The following NGF variants were observed in gnomAD, a reference collection of about 807,000 sequenced individuals.
The protein encoded by NGF is beta-nerve growth factor.
A neutral mutation model predicts 12.8 loss-of-function variants in NGF; 4 were observed. That is an observed-to-expected ratio of 0.31 (90% CI 0.15 to 0.72). The LOEUF is 0.72. NGF is among the 30% of genes least tolerant of loss of function. The probability of loss-of-function intolerance (pLI) is 0.69; values close to 1 mark genes in which losing one functional copy is unlikely to be tolerated. For missense variants in NGF, 283 were observed against 330.8 expected, an observed-to-expected ratio of 0.86 and a Z score of 1.12; for synonymous variants, 140 against 130.0, an observed-to-expected ratio of 1.08 and a Z score of -0.52.
chr1:115,286,879 T>G, intron 2 of NGF, 72 bp from the exon 3 acceptor site: 2 of 1,584,790 alleles, frequency 1.3e-6, no homozygotes, highest in Non-Finnish European at 1.7e-6. Context: ...TCTGGGTCCC[T>G]CAGAGTTGAC....
chr1:115,326,731 C>A (rs1342305351), intron 1 of NGF, among the ~76,000 whole-genome samples: 1 of 152,088 alleles, frequency 6.6e-6, no homozygotes. Context: ...CTGCTCAATA[C>A]CAGGGCAAGT....
intron 1 of NGF, among the ~76,000 whole-genome samples, chr1:115,321,434 T>G (rs1341615872): frequency 6.6e-6 from 1 of 152,184 alleles, no homozygotes; most frequent in Non-Finnish European, 1.5e-5. Context: ...TTGCATTTAT[T>G]ATAAACAAAA....
rs1193703566 is a variant in NGF, at chr1:115,334,533, C to T, written c.-137+3671G>A. On this transcript the variant is annotated intron_variant, in intron 1 of 2. Transcript: ENST00000369512. ...GGGACTACAGCACTGAGGTCCCTGC[C>T]GATGGTGGCCTAGAGTCTGATTTGC... Among the ~76,000 whole-genome samples the T allele has an allele frequency of 3.3e-5, 5 of 152,068 alleles. No individual in the cohort carries two copies. The East Asian group carries it at 7.7e-4, about 23-fold the overall frequency.
intron 1 of NGF, among the ~76,000 whole-genome samples, chr1:115,337,550 G>A (rs545672824): frequency 6.6e-5 from 10 of 152,154 alleles, no homozygotes; most frequent in African/African-American, 2.4e-4. Context: ...TGTCCAACGC[G>A]GCTCCGTGGA....
rs188495420 is a variant in NGF, at chr1:115,322,329, G to A, written c.-137+15875C>T. Among the ~76,000 whole-genome samples the A allele has an allele frequency of 3.9e-5, 6 of 152,264 alleles. No individual in the cohort carries two copies. The East Asian group carries it at 1.2e-3, about 29-fold the overall frequency. On this transcript the variant is annotated intron_variant, in intron 1 of 2. Transcript: ENST00000369512. ...GGAATGTAGGGTGACAGCCAGGTGG[G>A]ACCAACTCCAGGCCCATGGTAAGAA...
rs535558433 is a variant in NGF at position 115,316,002 on chromosome 1, T to A, written c.-137+22202A>T. ...ATCAGCGGATTAAGCAAACCATTCA[T>A]CAGGTACCTACTATGCACCCAGGGC... is the stretch of plus-strand genomic sequence containing the variant. On this transcript the variant is annotated intron_variant, in intron 1 of 2. Coordinates refer to ENST00000369512, the MANE Select transcript of NGF (RefSeq NM_002506.3). Among the ~76,000 whole-genome samples, 5 of 152,282 alleles carry A rather than the reference T, an allele frequency of 3.3e-5. No individual in the cohort carries two copies. In the South Asian group the frequency reaches 1.0e-3, roughly 32 times the overall value.
At chr1:115,336,893 C>A (rs1170622437) in intron 1 of NGF, among the ~76,000 whole-genome samples, 2 of 152,192 alleles carry the variant, frequency 1.3e-5, no homozygotes, top group African/African-American at 4.8e-5. Context: ...GGGACTGGCA[C>A]TGGCAGTGGG....
intron 1 of NGF, among the ~76,000 whole-genome samples, chr1:115,330,485 C>A (rs1654888228): frequency 6.6e-6 from 1 of 152,210 alleles, no homozygotes; most frequent in Non-Finnish European, 1.5e-5. Context: ...GTGACTCTAT[C>A]AATCCACCCT....
intron 2 of NGF, among the ~76,000 whole-genome samples, chr1:115,288,438 G>A (rs945413621): frequency 1.3e-5 from 2 of 152,188 alleles, no homozygotes; most frequent in African/African-American, 4.8e-5. Context: ...CAAAATTTGT[G>A]TAAATCATGA....
chr1:115,313,250 T>G (rs1226649009), intron 1 of NGF, among the ~76,000 whole-genome samples: 1 of 152,246 alleles, frequency 6.6e-6, no homozygotes, highest in Admixed American at 6.5e-5. Context: ...TGGTCTGTTG[T>G]AATGGTTTGA....
At chr1:115,335,578 A>AT (rs1362495080) in intron 1 of NGF, among the ~76,000 whole-genome samples, 1 of 152,208 alleles carries the variant, frequency 6.6e-6, no homozygotes, top group African/African-American at 2.4e-5. Context: ...ATATCCAGAG[A>AT]TTTTATGCAA....
chr1:115,299,464 G>T (rs967967220), intron 1 of NGF, among the ~76,000 whole-genome samples: 2 of 152,152 alleles, frequency 1.3e-5, no homozygotes, highest in Non-Finnish European at 2.9e-5. Flanking sequence ...AACACAATCT[G>T]CATGTTCACC....
rs1571069139 is a variant in NGF at position 115,286,045 on chromosome 1, C to T, written c.*25G>A. The T allele has an allele frequency of 1.9e-6, 3 of 1,611,310 alleles. No homozygotes were observed. The highest frequency in any genetic ancestry group is 1.7e-6 in the Non-Finnish European group (2 of 1,179,138). On this transcript the variant is annotated 3_prime_UTR_variant, in exon 3 of 3. Transcript: ENST00000369512. The stretch of plus-strand genomic sequence containing the variant: ...GGGGCCCAGGAGAGTGTAGAAGGGG[C>T]AGGGGGAGGGAGCGTGTCGGCAGGT...
chr1:115,287,155 G>C (rs1237769159), intron 2 of NGF, among the ~76,000 whole-genome samples: 1 of 152,216 alleles, frequency 6.6e-6, no homozygotes, highest in Admixed American at 6.5e-5. Flanking sequence ...GAGGTGGTAA[G>C]TGTCCATGTG....
chr1:115,323,955 C>T (rs895934538), intron 1 of NGF, among the ~76,000 whole-genome samples: 5 of 152,204 alleles, frequency 3.3e-5, no homozygotes, highest in Non-Finnish European at 7.4e-5. Flanking sequence ...CTGTGGGAGA[C>T]TGTGTGATCT....
chr1:115,286,889 C>T lies in NGF; in HGVS notation c.-12-82G>A, dbSNP rs529695218. On this transcript the variant is annotated intron_variant, in intron 2 of 2. Transcript: ENST00000369512. ...CAGTTTCTGGGTCCCTCAGAGTTGA[C>T]CTCCCAAGGGGATCACGAAGAGGTT... 710 of 1,535,600 alleles carry T rather than the reference C, an allele frequency of 4.6e-4. 4 individuals are homozygous for T. The highest frequency in any genetic ancestry group is 2.5e-3 in the Middle Eastern group (15 of 5,908).
At chr1:115,328,993 T>C (rs892060461) in intron 1 of NGF, among the ~76,000 whole-genome samples, 1 of 151,962 alleles carries the variant, frequency 6.6e-6, no homozygotes, top group African/African-American at 2.4e-5. Context: ...AAAAACATTG[T>C]CAATAGTTCT....
intron 2 of NGF, among the ~76,000 whole-genome samples, chr1:115,287,661 C>T (rs1326642509): frequency 6.6e-6 from 1 of 152,160 alleles, no homozygotes; most frequent in Non-Finnish European, 1.5e-5. Flanking sequence ...GAAATAGAAT[C>T]CAAAGTTGAC....
At chr1:115,289,244 A>G (rs974729039) in intron 2 of NGF, among the ~76,000 whole-genome samples, 3 of 152,224 alleles carry the variant, frequency 2.0e-5, no homozygotes, top group African/African-American at 7.2e-5. Context: ...TCTTCTCGGT[A>G]CATAATATCT....
Sources: gnomAD v4.1 joint callset for allele counts (sites outside exome capture counted in the v4.1 genomes callset) on GRCh38, gnomAD v4.1.1 for gene constraint, MANE v1.5 for transcripts, NCBI Gene and HGNC (gene_info 2026-07-23, HGNC 2026-07-21) for gene names.